The following MDFIC2 variants were observed in gnomAD, a reference collection of about 807,000 sequenced individuals.
The protein encoded by MDFIC2 is myoD family inhibitor domain-containing protein 2.
intron 2 of MDFIC2, among the ~76,000 whole-genome samples, chr3:70,214,358 A>G (rs1234939738): frequency 6.6e-6 from 1 of 152,126 alleles, no homozygotes; most frequent in African/African-American, 2.4e-5. Flanking sequence ...GAAACGTTAG[A>G]TGAAATGTTT....
intron 2 of MDFIC2, among the ~76,000 whole-genome samples, chr3:70,255,571 C>T (rs1701808413): frequency 6.6e-6 from 1 of 152,150 alleles, no homozygotes; most frequent in African/African-American, 2.4e-5. Flanking sequence ...TGCCTCAGTC[C>T]TCCTGCCTCC....
chr3:70,233,822 AT>A (rs541332199), intron 2 of MDFIC2, among the ~76,000 whole-genome samples: 21 of 152,148 alleles, frequency 1.4e-4, no homozygotes, highest in African/African-American at 2.2e-4. Context: ...TATCTAAACA[AT>A]TTTTTTTAGC....
rs187420841 is a variant in MDFIC2 at position 70,235,711 on chromosome 3, A to G, written c.89-28921T>C. On this transcript the variant is annotated intron_variant, in intron 2 of 3. Transcript: ENST00000567252. ...TGTGTAAGGGTTCTGGTGGCAGACAAAGTTGGCATTCAAATCAGGCCATTG... is the reference window on the plus strand; with the variant it reads ...TGTGTAAGGGTTCTGGTGGCAGACAGAGTTGGCATTCAAATCAGGCCATTG... Among the ~76,000 whole-genome samples, 132 of 152,334 alleles carry G rather than the reference A, an allele frequency of 8.7e-4. 3 individuals are homozygous for G. The East Asian group carries it at 0.016, about 19-fold the overall frequency.
chr3:70,284,877 C>A (rs1702126748), intron 2 of MDFIC2, among the ~76,000 whole-genome samples: 1 of 152,114 alleles, frequency 6.6e-6, no homozygotes, highest in Non-Finnish European at 1.5e-5. Context: ...CAAACCTGCA[C>A]ATGTACCCCT....
At chr3:70,303,287 T>A (rs1292363696) in intron 2 of MDFIC2, among the ~76,000 whole-genome samples, 3 of 152,174 alleles carry the variant, frequency 2.0e-5, no homozygotes, top group Non-Finnish European at 4.4e-5. Context: ...TCATTGTGTG[T>A]AGCATTATGG....
intron 2 of MDFIC2, among the ~76,000 whole-genome samples, chr3:70,247,525 T>C (rs1027495455): frequency 2.6e-5 from 4 of 151,754 alleles, no homozygotes; most frequent in Non-Finnish European, 5.9e-5. Flanking sequence ...TTTAAACATA[T>C]AGGATTTTTC....
intron 2 of MDFIC2, among the ~76,000 whole-genome samples, chr3:70,228,734 C>T (rs1363152504): frequency 6.8e-6 from 1 of 148,028 alleles, no homozygotes; most frequent in African/African-American, 2.5e-5. Flanking sequence ...TTAATTTTTT[C>T]ATGAATCTTT....
chr3:70,224,399 C>G (rs1261448191), intron 2 of MDFIC2, among the ~76,000 whole-genome samples: 3 of 152,180 alleles, frequency 2.0e-5, no homozygotes, highest in South Asian at 4.1e-4. Context: ...GTTCTCCTAC[C>G]TATTCTAGAA....
intron 2 of MDFIC2, among the ~76,000 whole-genome samples, chr3:70,285,355 A>G (rs2106686308): frequency 6.6e-6 from 1 of 151,688 alleles, no homozygotes; most frequent in South Asian, 2.1e-4. Flanking sequence ...ATGACTTCCA[A>G]TTTCATCCAT....
chr3:70,268,018 C>T (rs1406251269), intron 2 of MDFIC2, among the ~76,000 whole-genome samples: 1 of 150,668 alleles, frequency 6.6e-6, no homozygotes, highest in Non-Finnish European at 1.5e-5. Flanking sequence ...TCCCCTCCTT[C>T]TCTTCCTCTT....
intron 2 of MDFIC2, chr3:70,291,878 A>C (rs895986024): frequency 1.3e-5 from 2 of 152,264 alleles, no homozygotes; most frequent in East Asian, 1.9e-4. Context: ...AGAATGTAGG[A>C]GTCTAATATT....
chr3:70,203,974 ATAAAG>A (rs1349908231), intron 3 of MDFIC2, among the ~76,000 whole-genome samples: 7 of 152,174 alleles, frequency 4.6e-5, no homozygotes, highest in Non-Finnish European at 7.4e-5. Flanking sequence ...CAATTTAGTA[ATAAAG>A]TAATGTTTCA....
chr3:70,300,566 G>A (rs1419123462), intron 2 of MDFIC2, among the ~76,000 whole-genome samples: 1 of 151,874 alleles, frequency 6.6e-6, no homozygotes. Context: ...TCCCTGTTGA[G>A]TGTTTTCAAA....
chr3:70,226,692 C>A (rs1057020592), intron 2 of MDFIC2, among the ~76,000 whole-genome samples: 1 of 146,778 alleles, frequency 6.8e-6, no homozygotes, highest in South Asian at 2.2e-4. Context: ...GAGCCGATAT[C>A]GTGCCACTCC....
At chr3:70,266,176 T>A (rs959727599) in intron 2 of MDFIC2, among the ~76,000 whole-genome samples, 4 of 152,188 alleles carry the variant, frequency 2.6e-5, no homozygotes, top group African/African-American at 7.2e-5. Context: ...TTATTAAAAA[T>A]ATTTACAAAC....
intron 2 of MDFIC2, among the ~76,000 whole-genome samples, chr3:70,249,360 G>T (rs999983850): frequency 2.0e-5 from 3 of 152,102 alleles, no homozygotes; most frequent in African/African-American, 7.2e-5. Flanking sequence ...CTAAGGGGGG[G>T]ATCTATCATA....
chr3:70,212,953 C>A (rs1427377871), intron 2 of MDFIC2, among the ~76,000 whole-genome samples: 1 of 151,866 alleles, frequency 6.6e-6, no homozygotes, highest in Non-Finnish European at 1.5e-5. Context: ...ACCAACACAG[C>A]AAGCTTATTA....
chr3:70,293,558 G>A (rs1702260362), intron 2 of MDFIC2, among the ~76,000 whole-genome samples: 2 of 152,054 alleles, frequency 1.3e-5, no homozygotes, highest in Non-Finnish European at 2.9e-5. Context: ...TAGAGGTTGT[G>A]AAAATAAAAC....
At position 70,195,297 on chromosome 3, in the gene MDFIC2, T is replaced by G. The variant is rs1701165239; in HGVS notation, c.*1629A>C. ...CGAGCTTCTGAAAAGCAGAAAGACT[T>G]TTTCATGGAAGGTGTGGGGCACTTT... On this transcript the variant is annotated 3_prime_UTR_variant, in exon 4 of 4. Transcript: ENST00000567252. Among the ~76,000 whole-genome samples, 1 of 152,160 alleles carries G rather than the reference T, an allele frequency of 6.6e-6. No individual in the cohort carries two copies.
Sources: gnomAD v4.1 joint callset for allele counts (sites outside exome capture counted in the v4.1 genomes callset) on GRCh38, gnomAD v4.1.1 for gene constraint, MANE v1.5 for transcripts, NCBI Gene and HGNC (gene_info 2026-07-23, HGNC 2026-07-21) for gene names.